Variants in KLF8 observed in about 807,000 individuals in gnomAD.
KLF8 encodes KLF transcription factor 8.
Under a neutral mutation model 18.2 loss-of-function variants are expected in KLF8, and 10 were observed. The ratio of observed to expected loss-of-function variants is 0.55; its 90% CI spans 0.34 to 0.93. The LOEUF (loss-of-function observed/expected upper bound fraction) is 0.93. Among genes scored for constraint, KLF8 ranks in the 40% least tolerant of loss-of-function variants. The pLI, the probability that KLF8 is intolerant of heterozygous loss-of-function variation, is 0.02. For missense variants in KLF8, 264 were observed against 277.9 expected (o/e 0.95, Z 0.36); for synonymous variants, 109 against 97.3 (o/e 1.12, Z -0.71).
Position 56,280,483 on chromosome X carries a change from G to A in KLF8, c.899-3830G>A, listed in dbSNP as rs764081552. Among the ~76,000 whole-genome samples the A allele has an allele frequency of 2.7e-5, 3 of 112,045 alleles. No homozygotes were observed. In the Admixed American group the frequency reaches 2.8e-4, roughly 11 times the overall value. On this transcript the variant is annotated intron_variant, in intron 5 of 5. Transcript: ENST00000468660. Reference sequence around the variant, plus strand: ...ACTTCTGGACTCAAGTGATCCTCCCGCCTCAGCTTCCCAAAGTGGTTGGGA... The same window carrying A: ...ACTTCTGGACTCAAGTGATCCTCCCACCTCAGCTTCCCAAAGTGGTTGGGA...
At chrX:56,249,325 T>C (rs749035245) in intron 1 of KLF8, among the ~76,000 whole-genome samples, 5 of 112,252 alleles carry the variant, frequency 4.5e-5, no homozygotes, top group Non-Finnish European at 9.4e-5. Context: ...GTATTTGCCT[T>C]ATTCAAACAC....
the KLF8 span, among the ~76,000 whole-genome samples, chrX:55,948,994 C>T: frequency 3.6e-5 from 4 of 111,806 alleles, no homozygotes; most frequent in Non-Finnish European, 7.5e-5. Context: ...TCCTTTTAGA[C>T]AGTTCCCTTT....
chrX:56,138,738 T>C, the KLF8 span, among the ~76,000 whole-genome samples: 1 of 111,085 alleles, frequency 9.0e-6, no homozygotes, highest in East Asian at 2.8e-4. Context: ...CTGGAAACAT[T>C]CTCCTTGAGA....
the KLF8 span, among the ~76,000 whole-genome samples, chrX:55,957,023 T>C: frequency 9.0e-6 from 1 of 110,814 alleles, no homozygotes; most frequent in African/African-American, 3.3e-5. Flanking sequence ...AATTTTATAA[T>C]TTTGGGTCGT....
At chrX:56,135,944 T>A in the KLF8 span, among the ~76,000 whole-genome samples, 3 of 111,145 alleles carry the variant, frequency 2.7e-5, no homozygotes, top group Admixed American at 2.9e-4. Context: ...ACATCACACA[T>A]AGGAGAACTA....
chrX:56,148,539 G>A, the KLF8 span, among the ~76,000 whole-genome samples: 1 of 111,838 alleles, frequency 8.9e-6, no homozygotes, highest in Non-Finnish European at 1.9e-5. Flanking sequence ...TGTGGATTTT[G>A]TAAGAAATGT....
chrX:55,989,096 T>C, the KLF8 span, among the ~76,000 whole-genome samples: 2 of 111,839 alleles, frequency 1.8e-5, no homozygotes, highest in African/African-American at 6.5e-5. Context: ...CTTAAGGAGA[T>C]TTGGGGCTGA....
chrX:56,026,787 C>A, the KLF8 span, among the ~76,000 whole-genome samples: 2 of 111,838 alleles, frequency 1.8e-5, no homozygotes, highest in South Asian at 3.8e-4. Context: ...TTTTTCAGTT[C>A]GTGTCGGATA....
chrX:56,128,176 G>A, the KLF8 span, among the ~76,000 whole-genome samples: 1 of 112,363 alleles, frequency 8.9e-6, no homozygotes, highest in Non-Finnish European at 1.9e-5. Context: ...TATAGCAACA[G>A]ATGGAGAGAA....
At chrX:56,096,886 C>T in the KLF8 span, among the ~76,000 whole-genome samples, 1 of 110,975 alleles carries the variant, frequency 9.0e-6, no homozygotes, top group Non-Finnish European at 1.9e-5. Context: ...TAAACATTTA[C>T]TGAATTCGAG....
the KLF8 span, among the ~76,000 whole-genome samples, chrX:56,205,465 T>C: frequency 8.9e-6 from 1 of 111,957 alleles, no homozygotes; most frequent in Non-Finnish European, 1.9e-5. Flanking sequence ...ATGTATCATA[T>C]TGATTGATTT....
At chrX:55,980,449 G>A in the KLF8 span, among the ~76,000 whole-genome samples, 1 of 111,317 alleles carries the variant, frequency 9.0e-6, no homozygotes, top group Non-Finnish European at 1.9e-5. Flanking sequence ...ATTTAATTTG[G>A]GTCATGTTGA....
chrX:56,029,152 T>A, the KLF8 span, among the ~76,000 whole-genome samples: 29 of 111,022 alleles, frequency 2.6e-4, no homozygotes, highest in South Asian at 0.011. Flanking sequence ...AGGATTGTCC[T>A]CCACCAATAC....
the KLF8 span, among the ~76,000 whole-genome samples, chrX:56,018,209 C>G: frequency 9.0e-6 from 1 of 111,170 alleles, no homozygotes; most frequent in Non-Finnish European, 1.9e-5. Flanking sequence ...TTCGCAGCCT[C>G]TGGCAATCAC....
At chrX:55,933,626 A>G in the KLF8 span, among the ~76,000 whole-genome samples, 2 of 112,090 alleles carry the variant, frequency 1.8e-5, no homozygotes, top group African/African-American at 3.2e-5. Flanking sequence ...TCTGTTGATA[A>G]TTTAGAATTA....
the KLF8 span, among the ~76,000 whole-genome samples, chrX:56,047,019 T>C: frequency 9.0e-6 from 1 of 110,950 alleles, no homozygotes; most frequent in Non-Finnish European, 1.9e-5. Context: ...GTTTGGACAT[T>C]TAACATAGTC....
In KLF8 at chrX:56,290,207, T is replaced by A. The variant is rs2067308690; in HGVS notation, c.*5713T>A. Among the ~76,000 whole-genome samples the A allele has an allele frequency of 8.9e-6, 1 of 112,004 alleles. No homozygotes were observed. Among genetic ancestry groups the A allele is most frequent in the Admixed American group, 9.5e-5 (1 of 10,525 alleles). ...GTCATATCACCTCTCTGTGCCTCAA[T>A]TAATCCATTTGCAAAATGGGGATCT... On this transcript the variant is annotated 3_prime_UTR_variant, in exon 6 of 6. Coordinates refer to ENST00000468660, the MANE Select transcript of KLF8 (RefSeq NM_007250.5).
chrX:55,908,418 G>T, the KLF8 span: 1 of 296,477 alleles, frequency 3.4e-6, no homozygotes. Flanking sequence ...AGTAGTAGAT[G>T]GGGTGGAGCC....
the KLF8 span, among the ~76,000 whole-genome samples, chrX:55,916,434 A>T: frequency 9.0e-6 from 1 of 111,644 alleles, no homozygotes; most frequent in Non-Finnish European, 1.9e-5. Flanking sequence ...ATCTATTCCT[A>T]CTACTGTATA....
Sources: gnomAD v4.1 joint callset for allele counts (sites outside exome capture counted in the v4.1 genomes callset) on GRCh38, gnomAD v4.1.1 for gene constraint, MANE v1.5 for transcripts, NCBI Gene and HGNC (gene_info 2026-07-23, HGNC 2026-07-21) for gene names.